NSD2: variants seen among roughly 807,000 people sequenced by gnomAD.
NSD2 encodes the protein nuclear receptor binding SET domain protein 2.
A neutral mutation model predicts 139.0 loss-of-function variants in NSD2; 12 were observed. The ratio of observed to expected loss-of-function variants is 0.09; its 90% confidence interval spans 0.06 to 0.14. The LOEUF is 0.14. Among genes scored for constraint, NSD2 ranks in the 10% least tolerant of loss-of-function variants. The pLI, the probability that NSD2 is intolerant of heterozygous loss-of-function variation, is 1.00. For synonymous variants in NSD2, 669 were observed against 648.7 expected (o/e 1.03, Z -0.48); for missense variants, 1,155 against 1,745.0 (o/e 0.66, Z 6.02).
chr4:1,881,586 A>G (rs1241968023), intron 1 of NSD2, among the ~76,000 whole-genome samples: 2 of 152,242 alleles, frequency 1.3e-5, no homozygotes, highest in African/African-American at 2.4e-5. Flanking sequence ...AAATAGAGAC[A>G]GGGTTTTGCC....
At chr4:1,911,587 C>CAAAAAAAAAAAAAAAAAAAAAAAAA (rs372660600) in intron 3 of NSD2, among the ~76,000 whole-genome samples, 2 of 42,084 alleles carry the variant, frequency 4.8e-5, no homozygotes, top group Non-Finnish European at 9.2e-5. Flanking sequence ...GACGCCATCT[C>CAAAAAAAAAAAAAAAAAAAAAAAAA]AAAAAAAAAA....
intron 1 of NSD2, among the ~76,000 whole-genome samples, chr4:1,878,246 T>TATATATATATATAG (rs1714426364): frequency 1.9e-5 from 1 of 52,416 alleles, no homozygotes; most frequent in Non-Finnish European, 3.9e-5. Context: ...TATATATATA[T>TATATATATATATAG]ATATATTTTT....
intron 3 of NSD2, among the ~76,000 whole-genome samples, chr4:1,910,625 GA>G (rs940132485): frequency 6.6e-6 from 1 of 151,756 alleles, no homozygotes; most frequent in Non-Finnish European, 1.5e-5. Context: ...CTTTATATAG[GA>G]AAAAAAATGC....
Position 1,956,544 on chromosome 4 carries a change from G to A in NSD2, c.2881+356G>A, listed in dbSNP as rs549234767. Among the ~76,000 whole-genome samples, 1 of 152,308 alleles carries A rather than the reference G, an allele frequency of 6.6e-6. No individual in the cohort carries two copies. Among genetic ancestry groups the A allele is most frequent in the Admixed American group, 6.5e-5 (1 of 15,298 alleles). ...GACCTTGTGCAGCAGGCTCTTGGGG[G>A]CTCGCTTTACCTTTCAGTGCATGAG... On this transcript the variant is annotated intron_variant, in intron 15 of 21. Coordinates refer to ENST00000508803, the MANE Select transcript of NSD2 (RefSeq NM_001042424.3). The surrounding 1 kb of genome is among the most constrained non-coding windows in gnomAD (Gnocchi z 5.3).
intron 17 of NSD2, 110 bp from the exon 18 acceptor site, chr4:1,960,925 C>A: frequency 1.3e-6 from 1 of 743,954 alleles, no homozygotes; most frequent in Non-Finnish European, 2.4e-6. Flanking sequence ...CGGAGGTATG[C>A]TGATGTGTGT....
chr4:1,943,716 T>A (rs1723334175), intron 9 of NSD2: 1 of 1,053,840 alleles, frequency 9.5e-7, no homozygotes, highest in Non-Finnish European at 1.1e-6. Flanking sequence ...AAGAGTAAAA[T>A]TAAAATTCTC....
intron 5 of NSD2, among the ~76,000 whole-genome samples, chr4:1,919,973 C>G (rs1348494585): frequency 6.6e-6 from 1 of 151,980 alleles, no homozygotes; most frequent in African/African-American, 2.4e-5. Context: ...AAAAAATTTT[C>G]CATGAATCTT....
intron 1 of NSD2, among the ~76,000 whole-genome samples, chr4:1,886,416 A>G (rs1395463673): frequency 6.6e-6 from 1 of 152,186 alleles, no homozygotes; most frequent in Non-Finnish European, 1.5e-5. Context: ...TATGTTGGCC[A>G]GGCTGGTCTT....
rs760095870 is a variant in NSD2, at chr4:1,955,202, A to G, written c.2380A>G (p.Ser794Gly). ...TGTCCGCTGCCCCGTTGCCTATCACAGCGGGGATGCTTGTCTGGCAGCAGG... is the reference window on the plus strand; with the variant it reads ...TGTCCGCTGCCCCGTTGCCTATCACGGCGGGGATGCTTGTCTGGCAGCAGG... ...RCVRCPVAYH[S>G]GDACLAAGCS... Residue 794 changes from serine to glycine, a missense_variant, in exon 13 of 22, where the codon AGC becomes GGC. Physicochemically the swap from Ser to Gly is moderately conservative, Grantham distance 56 (BLOSUM62 0). Coordinates refer to ENST00000508803, the MANE Select transcript of NSD2 (RefSeq NM_001042424.3). This position sits in a 1 kb window ranked among gnomAD's most constrained non-coding sequence, Gnocchi z 4.7. The G allele has an allele frequency of 2.7e-5, 44 of 1,613,974 alleles. No homozygotes were observed. Among genetic ancestry groups the G allele is most frequent in the Non-Finnish European group, 3.6e-5 (43 of 1,179,940 alleles).
intron 5 of NSD2, among the ~76,000 whole-genome samples, chr4:1,922,375 G>T (rs867605343): frequency 6.6e-6 from 1 of 152,166 alleles, no homozygotes; most frequent in African/African-American, 2.4e-5. Context: ...TCAATATTAC[G>T]AAATATGCAT....
intron 3 of NSD2, among the ~76,000 whole-genome samples, chr4:1,909,272 A>G (rs896869849): frequency 6.6e-6 from 1 of 151,268 alleles, no homozygotes; most frequent in East Asian, 1.9e-4. Context: ...ACCCCCCCCA[A>G]CCCTAGCATC....
intron 9 of NSD2, chr4:1,943,034 C>G (rs2108908939): frequency 9.5e-7 from 1 of 1,050,558 alleles, no homozygotes; most frequent in South Asian, 4.6e-5. Flanking sequence ...ATCCAAGGCC[C>G]CGGACCAAGG....
At chr4:1,969,269 CT>C (rs1164571572) in intron 18 of NSD2, among the ~76,000 whole-genome samples, 2 of 152,202 alleles carry the variant, frequency 1.3e-5, no homozygotes, top group Non-Finnish European at 1.5e-5. Context: ...GGACCTGAGG[CT>C]CTGAGGGCCC....
intron 21 of NSD2, among the ~76,000 whole-genome samples, chr4:1,977,874 C>T (rs1415169781): frequency 2.6e-5 from 4 of 151,536 alleles, no homozygotes; most frequent in Non-Finnish European, 5.9e-5. Context: ...GCCTCTAATC[C>T]CAGCACTTCT....
At chr4:1,913,489 C>T (rs562964139) in intron 3 of NSD2, among the ~76,000 whole-genome samples, 97 of 152,160 alleles carry the variant, frequency 6.4e-4, no homozygotes, top group Non-Finnish European at 1.0e-3. Flanking sequence ...TTTCATGTTC[C>T]GCCCTGTACA....
intron 18 of NSD2, among the ~76,000 whole-genome samples, chr4:1,966,031 A>C (rs1310061827): frequency 6.6e-6 from 1 of 150,572 alleles, no homozygotes; most frequent in African/African-American, 2.5e-5. Flanking sequence ...TTGAAGGCCT[A>C]CAGGCAGTGG....
intron 18 of NSD2, among the ~76,000 whole-genome samples, chr4:1,962,608 C>T (rs1725480442): frequency 6.6e-6 from 1 of 152,114 alleles, no homozygotes; most frequent in Non-Finnish European, 1.5e-5. Context: ...GAAGGGTATA[C>T]TGATGTTCGT....
At chr4:1,947,461 G>T in intron 9 of NSD2, 1 of 1,058,960 alleles carries the variant, frequency 9.4e-7, no homozygotes, top group Non-Finnish European at 1.1e-6. Flanking sequence ...CCCCAGCCCT[G>T]ACCCTAGAAT....
chr4:1,919,747 C>T (rs1486653947), intron 5 of NSD2, among the ~76,000 whole-genome samples: 1 of 151,998 alleles, frequency 6.6e-6, no homozygotes, highest in Non-Finnish European at 1.5e-5. Context: ...TCCTGGCCAA[C>T]ATGATGAAAC....
Sources: gnomAD v4.1 joint callset for allele counts (sites outside exome capture counted in the v4.1 genomes callset) on GRCh38, gnomAD v4.1.1 for gene constraint, Gnocchi (gnomAD v3.1) non-coding constraint, MANE v1.5 for transcripts, NCBI Gene and HGNC (gene_info 2026-07-23, HGNC 2026-07-21) for gene names.